The following TNFRSF1B variants were observed in gnomAD, a reference collection of about 807,000 sequenced individuals.
The protein encoded by TNFRSF1B is tumor necrosis factor receptor superfamily member 1B.
Under a neutral mutation model 44.6 loss-of-function variants are expected in TNFRSF1B, and 19 were observed. The ratio of observed to expected loss-of-function variants is 0.43; its 90% CI spans 0.30 to 0.62. TNFRSF1B has a LOEUF of 0.62. Among genes scored for constraint, TNFRSF1B ranks in the 20% least tolerant of loss-of-function variants. The pLI, the probability that TNFRSF1B is intolerant of heterozygous loss-of-function variation, is 0.16. For missense variants in TNFRSF1B, 541 were observed against 619.9 expected (o/e 0.87, Z 1.35); for synonymous variants, 252 against 261.1 (o/e 0.97, Z 0.34).
At chr1:12,201,708 C>T (rs971672410) in intron 8 of TNFRSF1B, among the ~76,000 whole-genome samples, 1 of 152,156 alleles carries the variant, frequency 6.6e-6, no homozygotes, top group African/African-American at 2.4e-5. Flanking sequence ...ATTTGGTGAA[C>T]AGGGCCAGGT....
chr1:12,206,462 A>G lies in TNFRSF1B; in HGVS notation c.1106-278A>G, dbSNP rs535544546. On this transcript the variant is annotated intron_variant, in intron 9 of 9. Coordinates refer to ENST00000376259, the MANE Select transcript of TNFRSF1B (RefSeq NM_001066.3). ...GCGATCCTACAAACTTGGCCTCCCA[A>G]GTAGACATCTGTTTTATATAATTGG... Among the ~76,000 whole-genome samples, 7 of 152,156 alleles carry G rather than the reference A, an allele frequency of 4.6e-5. No individual in the cohort carries two copies. In the East Asian group the frequency reaches 1.4e-3, roughly 29 times the overall value.
intron 8 of TNFRSF1B, among the ~76,000 whole-genome samples, chr1:12,200,354 A>G (rs922659272): frequency 6.6e-6 from 1 of 152,084 alleles, no homozygotes; most frequent in Admixed American, 6.6e-5. Flanking sequence ...GAGGCAGTGC[A>G]GCAGAGGGTC....
rs146983380 is a variant in TNFRSF1B, at chr1:12,193,079, C to T, written c.768C>T (p.Gly256=). The change falls in exon 6 of 10, where the codon GGC becomes GGT. Residue 256 remains glycine (G), a synonymous_variant. Coordinates refer to ENST00000376259, the MANE Select transcript of TNFRSF1B (RefSeq NM_001066.3). ...GCCCCCCAGCTGAAGGGAGCACTGG[C>T]GACTTCGCTCTTCCAGTTGGTAAGT... ...GPSPPAEGST[G]DFALPVGLIV... is the part of the protein sequence containing the mutation. The T allele has an allele frequency of 9.7e-5, 157 of 1,613,890 alleles. 1 individual carries two copies. The African/African-American group carries it at 1.3e-3, about 13-fold the overall frequency.
chr1:12,203,419 C>T (rs1489006845), intron 9 of TNFRSF1B, among the ~76,000 whole-genome samples: 1 of 152,190 alleles, frequency 6.6e-6, no homozygotes, highest in Non-Finnish European at 1.5e-5. Context: ...AGCTGCTCCC[C>T]AGCTCACTGC....
chr1:12,170,070 C>T (rs538529289), intron 1 of TNFRSF1B, among the ~76,000 whole-genome samples: 21 of 152,318 alleles, frequency 1.4e-4, no homozygotes, highest in African/African-American at 5.1e-4. Context: ...TGCCCTCTGT[C>T]TGAAATCCCA....
Position 12,177,303 on chromosome 1 carries a change from G to A in TNFRSF1B, c.78+10134G>A, listed in dbSNP as rs1016099810. 3.9e-5 allele frequency among the ~76,000 whole-genome samples: 6 copies of A among 152,130 alleles called. No individual in the cohort carries two copies. Among genetic ancestry groups the A allele is most frequent in the South Asian group, 2.1e-4 (1 of 4,832 alleles). On this transcript the variant is annotated intron_variant, in intron 1 of 9. Coordinates refer to ENST00000376259, the MANE Select transcript of TNFRSF1B (RefSeq NM_001066.3). This position sits in a 1 kb window ranked among gnomAD's most constrained non-coding sequence, Gnocchi z 4.3. ...ATTACAGGCGGGAGCCACCGTGCCC[G>A]GCCCCAGTGGACTGATTCTGGTCAG... is the stretch of plus-strand genomic sequence containing the variant.
chr1:12,192,277 TG>T, intron 4 of TNFRSF1B, 153 bp from the exon 5 acceptor site: 2 of 137,986 alleles, frequency 1.4e-5, no homozygotes, highest in Non-Finnish European at 2.8e-5. Flanking sequence ...TACAGGCATC[TG>T]TGTGTGTGTG....
rs1639542294 is a variant in TNFRSF1B, at chr1:12,207,754, A to T, written c.*734A>T. The T allele has an allele frequency of 6.6e-6, 1 of 152,242 alleles. No individual in the cohort carries two copies. The highest frequency in any genetic ancestry group is 1.5e-5 in the Non-Finnish European group (1 of 68,102). 9.4% of individuals were successfully genotyped at this position (152,242 alleles called of 1,614,324 possible). A position where few individuals can be genotyped will look rare whatever the true frequency, so the allele number is the denominator to read the frequency against. ...GTAAAACCCCATCTCTACTAAAAATACAGAAATTAGCCGGGCGTGGTGGCG... is the reference window on the plus strand; with the variant it reads ...GTAAAACCCCATCTCTACTAAAAATTCAGAAATTAGCCGGGCGTGGTGGCG... On this transcript the variant is annotated 3_prime_UTR_variant, in exon 10 of 10. Coordinates refer to ENST00000376259, the MANE Select transcript of TNFRSF1B (RefSeq NM_001066.3).
intron 1 of TNFRSF1B, among the ~76,000 whole-genome samples, chr1:12,182,414 T>C (rs1038877327): frequency 1.3e-5 from 2 of 152,200 alleles, no homozygotes; most frequent in African/African-American, 4.8e-5. Context: ...GTCACCCTTT[T>C]CCTTAGCTCT....
At chr1:12,188,115 G>A (rs573105672) in intron 1 of TNFRSF1B, among the ~76,000 whole-genome samples, 1 of 152,336 alleles carries the variant, frequency 6.6e-6, no homozygotes, top group South Asian at 2.1e-4. Flanking sequence ...CCGGCTCTAC[G>A]GTGGGTCCCA....
chr1:12,201,394 A>C (rs1296546695), intron 8 of TNFRSF1B, among the ~76,000 whole-genome samples: 2 of 151,686 alleles, frequency 1.3e-5, no homozygotes, highest in Non-Finnish European at 2.9e-5. Flanking sequence ...GCATTGTTTT[A>C]AGCACTTTAC....
chr1:12,194,442 T>C, intron 7 of TNFRSF1B, 142 bp from the exon 8 acceptor site: 2 of 815,846 alleles, frequency 2.5e-6, no homozygotes, highest in Non-Finnish European at 4.1e-6. Flanking sequence ...TGGGGGCTTC[T>C]GTGGACCTTG....
At position 12,206,786 on chromosome 1, in the gene TNFRSF1B, C is replaced by G; in HGVS notation, c.1152C>G (p.Ile384Met). Residue 384 changes from isoleucine (I) to methionine (M), a missense_variant, in exon 10 of 10, where the codon ATC becomes ATG. Coordinates refer to ENST00000376259, the MANE Select transcript of TNFRSF1B (RefSeq NM_001066.3). ...GGACCCAGGTCAATGTCACCTGCAT[C>G]GTGAACGTCTGTAGCAGCTCTGACC... ...GHGTQVNVTCIVNVCSSSDHS... is the reference protein window; with the variant it reads ...GHGTQVNVTCMVNVCSSSDHS... 6.2e-7 allele frequency: 1 copy of G among 1,611,716 alleles called. No homozygotes were observed. Among genetic ancestry groups the G allele is most frequent in the Non-Finnish European group, 8.5e-7 (1 of 1,178,384 alleles).
At chr1:12,167,428 G>A in intron 1 of TNFRSF1B, 4 of 434,418 alleles carry the variant, frequency 9.2e-6, no homozygotes, top group South Asian at 3.1e-5. Flanking sequence ...TGACAGGGGC[G>A]CACCCTGGTT....
chr1:12,201,377 G>C (rs1201070608), intron 8 of TNFRSF1B, among the ~76,000 whole-genome samples: 1 of 149,982 alleles, frequency 6.7e-6, no homozygotes, highest in Non-Finnish European at 1.5e-5. Context: ...AGTTTACTAT[G>C]TAATAGGCAT....
intron 9 of TNFRSF1B, among the ~76,000 whole-genome samples, chr1:12,202,597 C>T (rs1443926947): frequency 6.6e-6 from 1 of 152,218 alleles, no homozygotes; most frequent in East Asian, 1.9e-4. Flanking sequence ...TCTCATTCAT[C>T]CCTGTATCTG....
In TNFRSF1B at chr1:12,207,080, GC is replaced by G; in HGVS notation, c.*61del. On this transcript the variant is annotated 3_prime_UTR_variant, in exon 10 of 10. Transcript: ENST00000376259. Reference sequence around the variant, plus strand: ...GGCTGAGCCCTGGCAGGATGACCCTGCGAAGGGGCCCTGGTCCTTCCAGGCC... The same window carrying G: ...GGCTGAGCCCTGGCAGGATGACCCTGGAAGGGGCCCTGGTCCTTCCAGGCC... 4 of 1,502,622 alleles carry G rather than the reference GC, an allele frequency of 2.7e-6. No individual in the cohort carries two copies. In the South Asian group the frequency reaches 4.0e-5, roughly 15 times the overall value. The allele number at this position is 1,502,622 out of a possible 1,614,324, so 93.1% of individuals were successfully genotyped here.
chr1:12,196,308 A>G (rs972467538), intron 8 of TNFRSF1B, among the ~76,000 whole-genome samples: 3 of 152,304 alleles, frequency 2.0e-5, no homozygotes, highest in Non-Finnish European at 2.9e-5. Flanking sequence ...CTCAAAAGAA[A>G]AAATAAAATA....
At chr1:12,194,950 C>T (rs1489919864) in intron 8 of TNFRSF1B, among the ~76,000 whole-genome samples, 1 of 152,230 alleles carries the variant, frequency 6.6e-6, no homozygotes, top group South Asian at 2.1e-4. Flanking sequence ...TCTGCTCGAT[C>T]CAGCCTGCAG....
Sources: gnomAD v4.1 joint callset for allele counts (sites outside exome capture counted in the v4.1 genomes callset) on GRCh38, gnomAD v4.1.1 for gene constraint, Gnocchi (gnomAD v3.1) non-coding constraint, MANE v1.5 for transcripts, NCBI Gene and HGNC (gene_info 2026-07-23, HGNC 2026-07-21) for gene names.